The following INTS8 variants were observed in gnomAD, a reference collection of about 807,000 sequenced individuals.
INTS8 encodes the protein protein kaonashi-1.
In INTS8, 47 loss-of-function variants were observed where a neutral mutation model predicts 138.9. The ratio of observed to expected loss-of-function variants is 0.34; its 90% CI spans 0.27 to 0.43. INTS8 has a LOEUF of 0.43. Among genes scored for constraint, INTS8 ranks in the 20% least tolerant of loss-of-function variants. The probability of loss-of-function intolerance (pLI) is 1.00; values close to 1 mark genes in which losing one functional copy is unlikely to be tolerated. For synonymous variants in INTS8, 392 were observed against 400.9 expected, an observed-to-expected ratio of 0.98 and a Z score of 0.27; for missense variants, 996 against 1,173.0, an observed-to-expected ratio of 0.85 and a Z score of 2.20.
chr8:94,859,906 T>G, intron 16 of INTS8: 1 of 326,782 alleles, frequency 3.1e-6, no homozygotes, highest in Non-Finnish European at 5.8e-6. Flanking sequence ...AATGAGAGAT[T>G]CGCTTTCTTT....
rs370018848 is a variant in INTS8 at position 94,849,910 on chromosome 8, A to C, written c.1332-6A>C. On this transcript the variant is annotated splice_polypyrimidine_tract_variant and splice_region_variant and intron_variant, in intron 11 of 26. Coordinates refer to ENST00000523731, the MANE Select transcript of INTS8 (RefSeq NM_017864.4). ...TTTTGTTTTACAATATTTCTTACTG[A>C]TCTAGGAATGTGTGTCTGGGGTTGG... 3 of 1,600,844 alleles carry C rather than the reference A, an allele frequency of 1.9e-6. No individual in the cohort carries two copies. The highest frequency in any genetic ancestry group is 2.6e-6 in the Non-Finnish European group (3 of 1,173,062).
At chr8:94,846,201 A>G (rs756963313) in intron 10 of INTS8, among the ~76,000 whole-genome samples, 2 of 151,802 alleles carry the variant, frequency 1.3e-5, no homozygotes, top group African/African-American at 4.8e-5. Flanking sequence ...ATTTTTTTCC[A>G]TTTTTCTATG....
At chr8:94,870,676 A>G (rs1039793842) in intron 20 of INTS8, among the ~76,000 whole-genome samples, 3 of 152,188 alleles carry the variant, frequency 2.0e-5, no homozygotes, top group African/African-American at 4.8e-5. Flanking sequence ...TAAATAATGG[A>G]CTATTTGCTA....
rs760491662 is a variant in INTS8, at chr8:94,856,838, C to T, written c.1814C>T (p.Pro605Leu). 2.5e-6 allele frequency: 4 copies of T among 1,614,032 alleles called. No homozygotes were observed. Among genetic ancestry groups the T allele is most frequent in the Admixed American group, 1.7e-5 (1 of 60,000 alleles). Residue 605 changes from proline to leucine, a missense_variant, in exon 15 of 27, where the codon CCG becomes CTG. Pro to Leu is a moderately conservative substitution (Grantham distance 98). Coordinates refer to ENST00000523731, the MANE Select transcript of INTS8 (RefSeq NM_017864.4). ...ACLELVTEFS[P>L]KLRQVMLNEM... ...TTGGAGTTGGTAACAGAGTTCTCAC[C>T]GAAGCTTCGTCAGGTCATGCTGAAT...
chr8:94,880,660 G>A lies in INTS8; in HGVS notation c.*426G>A. ...AAGAAAATAGAAGTTTAGGTCAAGT[G>A]TTAAGCTTTATCACTTTGACACTGT... is the stretch of plus-strand genomic sequence containing the variant. On this transcript the variant is annotated 3_prime_UTR_variant, in exon 27 of 27. Coordinates refer to ENST00000523731, the MANE Select transcript of INTS8 (RefSeq NM_017864.4). 1 of 390,752 alleles carries A rather than the reference G, an allele frequency of 2.6e-6. No individual in the cohort carries two copies. Among genetic ancestry groups the A allele is most frequent in the South Asian group, 1.4e-4 (1 of 6,958 alleles). 24.2% of individuals were successfully genotyped at this position (390,752 alleles called of 1,614,324 possible). A position where few individuals can be genotyped will look rare whatever the true frequency, so the allele number is the denominator to read the frequency against.
At chr8:94,836,851 T>C (rs557475564) in intron 7 of INTS8, among the ~76,000 whole-genome samples, 4 of 152,324 alleles carry the variant, frequency 2.6e-5, no homozygotes, top group Non-Finnish European at 5.9e-5. Flanking sequence ...TTTTTCTCTC[T>C]GTTTTTGTAC....
rs569884634 is a variant in INTS8 at position 94,846,494 on chromosome 8, G to A, written c.1261-2968G>A. On this transcript the variant is annotated intron_variant, in intron 10 of 26. Coordinates refer to ENST00000523731, the MANE Select transcript of INTS8 (RefSeq NM_017864.4). ...TCTCCATGTTGGTCAGGCAGGTCTC[G>A]AACTCCTGACCTCAGGCGATCCACC... is the stretch of plus-strand genomic sequence containing the variant. 1.9e-3 allele frequency among the ~76,000 whole-genome samples: 286 copies of A among 152,172 alleles called. 2 individuals carry two copies. Among genetic ancestry groups the A allele is most frequent in the Non-Finnish European group, 3.5e-3 (238 of 68,010 alleles).
At chr8:94,874,333 T>A (rs115625524) in intron 22 of INTS8, among the ~76,000 whole-genome samples, 1 of 152,304 alleles carries the variant, frequency 6.6e-6, no homozygotes, top group Admixed American at 6.5e-5. Context: ...ATACTTATAA[T>A]GGCTTTCAAA....
In INTS8 at chr8:94,865,216, A is replaced by G. The variant is rs1816133510; in HGVS notation, c.2077-290A>G. On this transcript the variant is annotated intron_variant, in intron 16 of 26. Coordinates refer to ENST00000523731, the MANE Select transcript of INTS8 (RefSeq NM_017864.4). ...TAGCAACTCGTTTTTTTTTCCACTT[A>G]ATAAATCACCTATCTCTTTGCGTTG... Among the ~76,000 whole-genome samples, 2 of 151,894 alleles carry G rather than the reference A, an allele frequency of 1.3e-5. 1 individual carries two copies. The highest frequency in any genetic ancestry group is 4.1e-4 in the South Asian group (2 of 4,820).
chr8:94,869,887 G>T lies in INTS8; in HGVS notation c.2415-1997G>T, dbSNP rs143132275. Among the ~76,000 whole-genome samples, 110 of 152,236 alleles carry T rather than the reference G, an allele frequency of 7.2e-4. 1 individual carries two copies. Among genetic ancestry groups the T allele is most frequent in the Non-Finnish European group, 9.4e-4 (64 of 68,020 alleles). The stretch of plus-strand genomic sequence containing the variant: ...CAGCGTGTTTGTAAATGAGGCAAAA[G>T]AATTGTTTACCCTAGGGGCTCTGGG... On this transcript the variant is annotated intron_variant, in intron 20 of 26. Coordinates refer to ENST00000523731, the MANE Select transcript of INTS8 (RefSeq NM_017864.4).
At chr8:94,840,368 T>C (rs1369088416) in intron 8 of INTS8, among the ~76,000 whole-genome samples, 1 of 152,132 alleles carries the variant, frequency 6.6e-6, no homozygotes, top group Non-Finnish European at 1.5e-5. Flanking sequence ...TTTTCAGATA[T>C]CTCCTTTCCC....
In INTS8 at chr8:94,853,994, G is replaced by A. The variant is rs1815650374; in HGVS notation, c.1752+79G>A. 3 of 819,460 alleles carry A rather than the reference G, an allele frequency of 3.7e-6. No homozygotes were observed. The Admixed American group carries it at 5.5e-5, about 15-fold the overall frequency. 50.8% of individuals were successfully genotyped at this position (819,460 alleles called of 1,614,324 possible). A position where few individuals can be genotyped will look rare whatever the true frequency, so the allele number is the denominator to read the frequency against. ...GCCGTGGCTCATACCTGTAATACCA[G>A]CACTTTGGGAGTCTGAGGTGGGCAG... is the stretch of plus-strand genomic sequence containing the variant. On this transcript the variant is annotated intron_variant, in intron 14 of 26. Transcript: ENST00000523731.
rs1816761378 is a variant in INTS8 at position 94,880,385 on chromosome 8, C to T, written c.*151C>T. 1.9e-6 allele frequency: 1 copy of T among 527,342 alleles called. No homozygotes were observed. The highest frequency in any genetic ancestry group is 3.4e-6 in the Non-Finnish European group (1 of 295,734). The allele number at this position is 527,342 out of a possible 1,614,324, so 32.7% of individuals were successfully genotyped here. A position where few individuals can be genotyped will look rare whatever the true frequency, so the allele number is the denominator to read the frequency against. On this transcript the variant is annotated 3_prime_UTR_variant, in exon 27 of 27. Transcript: ENST00000523731. ...AAACAAATATTAGTTTAAAAACAAA[C>T]TATACAGAAGACTTCATACCGTAAC...
chr8:94,842,153 T>A, intron 9 of INTS8, among the ~76,000 whole-genome samples, 194 bp from the exon 10 acceptor site: 1 of 152,156 alleles, frequency 6.6e-6, no homozygotes, highest in East Asian at 1.9e-4. Flanking sequence ...AACTACATTG[T>A]CCCTTGATAA....
chr8:94,869,633 C>T (rs1816316628), intron 20 of INTS8, among the ~76,000 whole-genome samples: 1 of 152,084 alleles, frequency 6.6e-6, no homozygotes, highest in Non-Finnish European at 1.5e-5. Context: ...GCTGGTGTTA[C>T]AGGCACGTGC....
At chr8:94,843,312 A>C (rs1325644066) in intron 10 of INTS8, among the ~76,000 whole-genome samples, 1 of 152,208 alleles carries the variant, frequency 6.6e-6, no homozygotes, top group African/African-American at 2.4e-5. Flanking sequence ...TCACACCTGT[A>C]ATCTCAGCAC....
chr8:94,838,192 C>T (rs1439590897), intron 7 of INTS8, among the ~76,000 whole-genome samples: 15 of 152,062 alleles, frequency 9.9e-5, no homozygotes, highest in African/African-American at 3.6e-4. Flanking sequence ...GCTGGGACTA[C>T]AGGTGCCCGC....
chr8:94,872,525 C>T (rs895275199), intron 21 of INTS8, among the ~76,000 whole-genome samples: 5 of 152,158 alleles, frequency 3.3e-5, no homozygotes, highest in Non-Finnish European at 2.9e-5. Context: ...TGAGCCCCTG[C>T]GCCCAGCATG....
rs1209029921 is a variant in INTS8 at position 94,859,578 on chromosome 8, A to G, written c.2022A>G (p.Glu674=). The G allele has an allele frequency of 6.2e-7, 1 of 1,611,686 alleles. No individual in the cohort carries two copies. The highest frequency in any genetic ancestry group is 1.3e-5 in the African/African-American group (1 of 74,892). ...TTATGTTAAACTGGAGAGAAAATGA[A>G]TACCTTACACTCCAAGTTCCTGCAT... ...VAFMLNWREN[E]YLTLQVPAFL... Residue 674 remains glutamate, a synonymous_variant, in exon 16 of 27, where the codon GAA becomes GAG. Transcript: ENST00000523731.
Sources: allele counts gnomAD v4.1 joint callset (sites outside exome capture counted in the v4.1 genomes callset), GRCh38; gene constraint gnomAD v4.1.1; transcripts MANE v1.5; gene names NCBI Gene and HGNC (gene_info 2026-07-23, HGNC 2026-07-21).